GRIK2: variants seen among roughly 807,000 people sequenced by gnomAD.
GRIK2 encodes the protein glutamate ionotropic receptor kainate type subunit 2.
GRIK2 carries 32 observed loss-of-function variants against 100.3 expected under a neutral mutation model. That is an observed-to-expected ratio of 0.32 (90% CI 0.24 to 0.43). The LOEUF (loss-of-function observed/expected upper bound fraction) is 0.43. GRIK2 is among the 20% of genes least tolerant of loss of function. The pLI is 1.00. For synonymous variants in GRIK2, 417 were observed against 389.4 expected (o/e 1.07, Z -0.83); for missense variants, 843 against 1,114.9 (o/e 0.76, Z 3.47).
At chr6:101,769,216 A>G (rs1401877625) in intron 7 of GRIK2, among the ~76,000 whole-genome samples, 1 of 152,202 alleles carries the variant, frequency 6.6e-6, no homozygotes, top group Non-Finnish European at 1.5e-5. Context: ...AAAAGTAGAT[A>G]CAAATGCCCA....
chr6:101,792,464 T>C (rs1395605510), intron 7 of GRIK2, among the ~76,000 whole-genome samples: 2 of 151,614 alleles, frequency 1.3e-5, no homozygotes, highest in Admixed American at 6.6e-5. Flanking sequence ...CCTTCACTTA[T>C]GAAGCTTAGT....
At chr6:101,505,053 T>A (rs985502946) in intron 2 of GRIK2, among the ~76,000 whole-genome samples, 2 of 114,840 alleles carry the variant, frequency 1.7e-5, no homozygotes, top group Admixed American at 1.8e-4. Flanking sequence ...GTCATTAAGT[T>A]TTTTTTGTTT....
intron 14 of GRIK2, among the ~76,000 whole-genome samples, chr6:101,959,187 T>C (rs150433303): frequency 6.6e-6 from 1 of 152,240 alleles, no homozygotes; most frequent in Admixed American, 6.5e-5. Flanking sequence ...CATGTGGCAA[T>C]CATATGGCTT....
intron 4 of GRIK2, among the ~76,000 whole-genome samples, chr6:101,651,648 A>C (rs1440434726): frequency 1.3e-5 from 2 of 152,122 alleles, no homozygotes; most frequent in Non-Finnish European, 2.9e-5. Context: ...AAACAGAAGA[A>C]CATTCCAGGC....
Position 101,928,708 on chromosome 6 carries a change from G to A in GRIK2, c.2085+76G>A. Reference sequence around the variant, plus strand: ...AACTTCTCTCGATTCACAAATGTAAGAGTGTAACAACGCCATTATTTGTGC... The same window carrying A: ...AACTTCTCTCGATTCACAAATGTAAAAGTGTAACAACGCCATTATTTGTGC... On this transcript the variant is annotated intron_variant, in intron 14 of 16. Coordinates refer to ENST00000369134, the MANE Select transcript of GRIK2 (RefSeq NM_021956.5). The A allele has an allele frequency of 5.2e-6, 4 of 762,590 alleles. No individual in the cohort carries two copies. The South Asian group carries it at 6.0e-5, about 11-fold the overall frequency. 47.2% of individuals were successfully genotyped at this position (762,590 alleles called of 1,614,324 possible).
intron 15 of GRIK2, among the ~76,000 whole-genome samples, chr6:102,040,566 C>G (rs1259540330): frequency 2.6e-5 from 4 of 151,488 alleles, no homozygotes; most frequent in Non-Finnish European, 5.9e-5. Flanking sequence ...AAGATTCACT[C>G]TTTATTTTTA....
intron 11 of GRIK2, among the ~76,000 whole-genome samples, chr6:101,875,210 A>T (rs551985731): frequency 9.3e-4 from 142 of 152,074 alleles, no homozygotes; most frequent in African/African-American, 3.3e-3. Context: ...TGTAACAAGG[A>T]TGAGTGTTTC....
At chr6:101,514,385 G>A (rs375212939) in intron 2 of GRIK2, among the ~76,000 whole-genome samples, 5 of 152,030 alleles carry the variant, frequency 3.3e-5, no homozygotes, top group Non-Finnish European at 7.4e-5. Flanking sequence ...AGCCAAGAAG[G>A]AAGAAGAAAG....
chr6:101,929,456 T>G (rs1790120809), intron 14 of GRIK2, among the ~76,000 whole-genome samples: 1 of 145,070 alleles, frequency 6.9e-6, no homozygotes, highest in Non-Finnish European at 1.5e-5. Flanking sequence ...GCAGTTCAAA[T>G]GTACAGTGGA....
At chr6:101,904,103 A>G (rs1340603336) in intron 12 of GRIK2, among the ~76,000 whole-genome samples, 1 of 150,668 alleles carries the variant, frequency 6.6e-6, no homozygotes, top group Non-Finnish European at 1.5e-5. Context: ...CTCTAATTTT[A>G]TGTTCTCTAT....
chr6:101,831,398 C>T (rs1029485484), intron 10 of GRIK2, among the ~76,000 whole-genome samples: 1 of 151,992 alleles, frequency 6.6e-6, no homozygotes, highest in African/African-American at 2.4e-5. Flanking sequence ...CTGGTATTCT[C>T]ACTTCTAATT....
chr6:101,974,727 C>G (rs929400157), intron 14 of GRIK2, among the ~76,000 whole-genome samples: 11 of 151,886 alleles, frequency 7.2e-5, no homozygotes, highest in African/African-American at 2.4e-4. Flanking sequence ...AGATGTTAGC[C>G]ACACATACAA....
At chr6:101,787,930 C>T (rs1305757258) in intron 7 of GRIK2, among the ~76,000 whole-genome samples, 1 of 151,974 alleles carries the variant, frequency 6.6e-6, no homozygotes, top group Non-Finnish European at 1.5e-5. Context: ...TGTAGTCTGT[C>T]TGTCTCTTTA....
intron 7 of GRIK2, among the ~76,000 whole-genome samples, chr6:101,789,022 G>A (rs938201478): frequency 6.6e-6 from 1 of 151,986 alleles, no homozygotes; most frequent in Non-Finnish European, 1.5e-5. Flanking sequence ...TGAGAAGTGT[G>A]TGTTCATATC....
chr6:101,619,589 A>T (rs958680130), intron 2 of GRIK2, among the ~76,000 whole-genome samples: 2 of 152,042 alleles, frequency 1.3e-5, no homozygotes, highest in African/African-American at 4.8e-5. Context: ...GAACGAAAAA[A>T]GTAGAAGATT....
chr6:101,630,970 C>A (rs1780716301), intron 4 of GRIK2, among the ~76,000 whole-genome samples: 1 of 151,850 alleles, frequency 6.6e-6, no homozygotes, highest in Non-Finnish European at 1.5e-5. Context: ...ATTATACTTT[C>A]ATCCAGTCTT....
At chr6:101,398,861 T>C (rs773071130) in intron 1 of GRIK2, 124 bp from the exon 2 acceptor site, 8 of 419,674 alleles carry the variant, frequency 1.9e-5, no homozygotes, top group African/African-American at 1.6e-4. Flanking sequence ...TGCAGTAGAA[T>C]AGGGCCTGGC....
In GRIK2 at chr6:101,414,498, C is replaced by T. The variant is rs150414736; in HGVS notation, c.115+15106C>T. Among the ~76,000 whole-genome samples, 163 of 152,234 alleles carry T rather than the reference C, an allele frequency of 1.1e-3. No homozygotes were observed. The East Asian group carries it at 0.011, about 10-fold the overall frequency. ...CATATCACAGATCCCCCCTGGAAGT[C>T]CCCAAAGCAAAAACAAAAGGTAGTT... is the stretch of plus-strand genomic sequence containing the variant. On this transcript the variant is annotated intron_variant, in intron 2 of 16. Coordinates refer to ENST00000369134, the MANE Select transcript of GRIK2 (RefSeq NM_021956.5).
At position 101,556,321 on chromosome 6, in the gene GRIK2, A is replaced by ATTTTTTTTTTTTTTTT. The variant is rs10528480; in HGVS notation, c.116-65612_116-65597dup. Among the ~76,000 whole-genome samples the ATTTTTTTTTTTTTTTT allele has an allele frequency of 2.3e-3, 136 of 59,388 alleles. 26 individuals carry two copies. Among genetic ancestry groups the ATTTTTTTTTTTTTTTT allele is most frequent in the Non-Finnish European group, 2.5e-3 (68 of 27,412 alleles). 39.0% of individuals were successfully genotyped at this position (59,388 alleles called of 152,430 possible). On this transcript the variant is annotated intron_variant, in intron 2 of 16. Transcript: ENST00000369134. ...AATTGCACTATGTAATATATTGGTA[A>ATTTTTTTTTTTTTTTT]TTTTTTTTTTTTTTTTTTTTTTTTT...
Sources: allele counts gnomAD v4.1 joint callset (sites outside exome capture counted in the v4.1 genomes callset), GRCh38; gene constraint gnomAD v4.1.1; transcripts MANE v1.5; gene names NCBI Gene and HGNC (gene_info 2026-07-23, HGNC 2026-07-21).